The following MYOT variants were observed in gnomAD, a reference collection of about 807,000 sequenced individuals.
MYOT encodes the protein myotilin.
In MYOT, 36 loss-of-function variants were observed where a neutral mutation model predicts 58.0. The ratio of observed to expected loss-of-function variants is 0.62; its 90% CI spans 0.48 to 0.82. MYOT has a LOEUF of 0.82. Among genes scored for constraint, MYOT ranks in the 40% least tolerant of loss-of-function variants. The probability of loss-of-function intolerance (pLI) is 0.00; values close to 1 mark genes in which losing one functional copy is unlikely to be tolerated. For synonymous variants in MYOT, 218 were observed against 204.6 expected (o/e 1.07, Z -0.56); for missense variants, 505 against 592.1 (o/e 0.85, Z 1.53).
intron 4 of MYOT, among the ~76,000 whole-genome samples, chr5:137,878,978 C>T (rs1276026225): frequency 6.6e-6 from 1 of 152,192 alleles, no homozygotes; most frequent in Non-Finnish European, 1.5e-5. Flanking sequence ...TTCCTAGCTT[C>T]CAAATGTAGA....
intron 2 of MYOT, 149 bp from the exon 3 acceptor site, chr5:137,875,680 C>A: frequency 2.8e-6 from 2 of 713,450 alleles, no homozygotes; most frequent in Non-Finnish European, 4.7e-6. Context: ...AGTAACCATT[C>A]TTATAAAATA....
At chr5:137,883,749 AAT>A (rs899946353) in intron 7 of MYOT, 158 bp downstream of exon 7, 733 of 638,870 alleles carry the variant, frequency 1.1e-3, no homozygotes, top group Non-Finnish European at 1.3e-3. Flanking sequence ...CACAGGAAAA[AAT>A]ATATATATAT....
chr5:137,883,913 T>A (rs781000217), intron 7 of MYOT, among the ~76,000 whole-genome samples: 1 of 152,230 alleles, frequency 6.6e-6, no homozygotes, highest in Non-Finnish European at 1.5e-5. Flanking sequence ...GACGTAACTA[T>A]AGAGTCTCAA....
chr5:137,885,956 A>C (rs1196698479), intron 7 of MYOT, 92 bp from the exon 8 acceptor site: 4 of 835,722 alleles, frequency 4.8e-6, no homozygotes, highest in Non-Finnish European at 7.5e-6. Flanking sequence ...TTAACATTTT[A>C]ATATCAACAT....
At chr5:137,873,241 T>C (rs1232496785) in intron 2 of MYOT, among the ~76,000 whole-genome samples, 1 of 147,658 alleles carries the variant, frequency 6.8e-6, no homozygotes, top group South Asian at 2.1e-4. Context: ...AAAAAAACAG[T>C]AGGCTAGGCC....
At chr5:137,869,664 C>CA (rs1238618374) in intron 1 of MYOT, among the ~76,000 whole-genome samples, 1 of 145,528 alleles carries the variant, frequency 6.9e-6, no homozygotes, top group African/African-American at 2.6e-5. Context: ...AAAGGTGTGG[C>CA]AAAAAAAAGA....
chr5:137,876,952 T>C (rs1755243045), intron 3 of MYOT, among the ~76,000 whole-genome samples: 1 of 151,292 alleles, frequency 6.6e-6, no homozygotes, highest in African/African-American at 2.4e-5. Context: ...TATTTAAGAG[T>C]GATTATGCTT....
At position 137,870,504 on chromosome 5, in the gene MYOT, C is replaced by A; in HGVS notation, c.-148C>A. On this transcript the variant is annotated 5_prime_UTR_variant, in exon 2 of 10. Coordinates refer to ENST00000239926, the MANE Select transcript of MYOT (RefSeq NM_006790.3). ...CAGGAGCACAGTATTCTCAGGATCTCAACAAGGAAGAGCAGACCAAGGTTG... is the reference window on the plus strand; with the variant it reads ...CAGGAGCACAGTATTCTCAGGATCTAAACAAGGAAGAGCAGACCAAGGTTG... The A allele has an allele frequency of 1.3e-6, 1 of 752,984 alleles. No homozygotes were observed. The highest frequency in any genetic ancestry group is 1.9e-5 in the Admixed American group (1 of 53,086). 46.6% of individuals were successfully genotyped at this position (752,984 alleles called of 1,614,324 possible).
In MYOT at chr5:137,870,428, T is replaced by C; in HGVS notation, c.-211-13T>C. The C allele has an allele frequency of 3.3e-6, 2 of 601,460 alleles. No homozygotes were observed. The highest frequency in any genetic ancestry group is 4.0e-5 in the South Asian group (2 of 50,050). The allele number at this position is 601,460 out of a possible 1,614,324, so 37.3% of individuals were successfully genotyped here. The stretch of plus-strand genomic sequence containing the variant: ...TAAGCAAATATTGTAACAATTATTT[T>C]CTCCTTTTGAAGGAACAATATTCTT... On this transcript the variant is annotated splice_polypyrimidine_tract_variant and intron_variant, in intron 1 of 9. Transcript: ENST00000239926.
At chr5:137,885,379 G>A (rs1178838162) in intron 7 of MYOT, among the ~76,000 whole-genome samples, 1 of 151,992 alleles carries the variant, frequency 6.6e-6, no homozygotes, top group Non-Finnish European at 1.5e-5. Flanking sequence ...TACCAATTTG[G>A]CATGGCTCAT....
intron 7 of MYOT, among the ~76,000 whole-genome samples, chr5:137,884,087 C>A (rs914181016): frequency 1.3e-5 from 2 of 152,130 alleles, no homozygotes; most frequent in African/African-American, 2.4e-5. Context: ...TGACTCAGGC[C>A]TGTAATCCCA....
intron 2 of MYOT, among the ~76,000 whole-genome samples, chr5:137,873,660 C>T (rs966004604): frequency 5.3e-5 from 8 of 151,676 alleles, no homozygotes; most frequent in Admixed American, 6.6e-5. Context: ...AAAAAAAAAT[C>T]GCTATTTTAA....
intron 2 of MYOT, among the ~76,000 whole-genome samples, chr5:137,871,873 G>T (rs184704283): frequency 5.9e-5 from 9 of 152,250 alleles, no homozygotes; most frequent in East Asian, 1.9e-4. Flanking sequence ...GAACATCAGA[G>T]AATTAAATCA....
chr5:137,879,628 C>T (rs540074808), intron 4 of MYOT, among the ~76,000 whole-genome samples: 1 of 148,002 alleles, frequency 6.8e-6, no homozygotes, highest in Admixed American at 6.7e-5. Context: ...GGGTCCATGC[C>T]GTTCTCCTGC....
At position 137,886,592 on chromosome 5, in the gene MYOT, C is replaced by G. The variant is rs879648495; in HGVS notation, c.1191-272C>G. 790 of 482,818 alleles carry G rather than the reference C, an allele frequency of 1.6e-3. 2 individuals are homozygous for G. Among genetic ancestry groups the G allele is most frequent in the African/African-American group, 0.014 (723 of 50,470 alleles). 29.9% of individuals were successfully genotyped at this position (482,818 alleles called of 1,614,324 possible). A position where few individuals can be genotyped will look rare whatever the true frequency, so the allele number is the denominator to read the frequency against. On this transcript the variant is annotated intron_variant, in intron 8 of 9. Transcript: ENST00000239926. ...AGACAGATAACGGAACAGGTCAGGA[C>G]CCCTCCATTCCCCTATACATACGCA...
intron 2 of MYOT, among the ~76,000 whole-genome samples, chr5:137,873,542 G>A (rs1203196578): frequency 9.4e-5 from 14 of 148,862 alleles, no homozygotes; most frequent in Admixed American, 6.7e-4. Context: ...ATGAAACTCC[G>A]TCTCAAAAAA....
In MYOT at chr5:137,887,791, T is replaced by TAG. The variant is rs1301957320; in HGVS notation, c.*406_*407insAG. 1 of 157,344 alleles carries TAG rather than the reference T, an allele frequency of 6.4e-6. No homozygotes were observed. The highest frequency in any genetic ancestry group is 1.4e-5 in the Non-Finnish European group (1 of 72,222). The allele number at this position is 157,344 out of a possible 1,614,324, so 9.7% of individuals were successfully genotyped here. A position where few individuals can be genotyped will look rare whatever the true frequency, so the allele number is the denominator to read the frequency against. On this transcript the variant is annotated 3_prime_UTR_variant, in exon 10 of 10. Coordinates refer to ENST00000239926, the MANE Select transcript of MYOT (RefSeq NM_006790.3). ...TGTAGGAATACTAACATGGTATAGA[T>TAG]TATCTGAGTGTTCCACAGTTGTATG...
intron 1 of MYOT, among the ~76,000 whole-genome samples, chr5:137,870,037 C>A (rs1754989322): frequency 6.6e-6 from 1 of 150,622 alleles, no homozygotes; most frequent in African/African-American, 2.4e-5. Context: ...ACCTGTAACT[C>A]CAGCACCAAG....
At chr5:137,886,563 T>C (rs1025500582) in intron 8 of MYOT, 14 of 335,984 alleles carry the variant, frequency 4.2e-5, no homozygotes, top group African/African-American at 3.1e-4. Flanking sequence ...AAGGAGGAGG[T>C]AGGAGACAGA....
Sources: allele counts gnomAD v4.1 joint callset (sites outside exome capture counted in the v4.1 genomes callset), GRCh38; gene constraint gnomAD v4.1.1; transcripts MANE v1.5; gene names NCBI Gene and HGNC (gene_info 2026-07-23, HGNC 2026-07-21).